BTG4: variants seen among roughly 807,000 people sequenced by gnomAD.
BTG4 encodes the protein protein BTG4.
A neutral mutation model predicts 19.3 loss-of-function variants in BTG4; 10 were observed. The observed-to-expected ratio is 0.52, with a 90% CI of 0.32 to 0.88. BTG4 has a LOEUF of 0.88. Among genes scored for constraint, BTG4 ranks in the 40% least tolerant of loss-of-function variants. The pLI, the probability that BTG4 is intolerant of heterozygous loss-of-function variation, is 0.04. For synonymous variants in BTG4, 91 were observed against 95.7 expected (o/e 0.95, Z 0.29); for missense variants, 238 against 281.9 (o/e 0.84, Z 1.11).
chr11:111,495,220 T>G lies in BTG4; in HGVS notation c.605A>C (p.Tyr202Ser), dbSNP rs1348278822. The G allele has an allele frequency of 1.2e-6, 2 of 1,612,822 alleles. No individual in the cohort carries two copies. Among genetic ancestry groups the G allele is most frequent in the Non-Finnish European group, 1.7e-6 (2 of 1,179,590 alleles). Residue 202 changes from tyrosine to serine, a missense_variant, in exon 5 of 5, where the codon TAC (tyrosine) becomes TCC (serine). Tyr to Ser is a moderately radical substitution (Grantham distance 144). Transcript: ENST00000692032. Reference sequence around the variant, plus strand: ...CTTAGGATGCTTCTGCGAGCCATGGTAAGTGTTTCCCAGGAGGCCAACACG... The same window carrying G: ...CTTAGGATGCTTCTGCGAGCCATGGGAAGTGTTTCCCAGGAGGCCAACACG... ...DGRVGLLGNT[Y>S]HGSQKHPKCY...
intron 1 of BTG4, among the ~76,000 whole-genome samples, chr11:111,509,328 T>A (rs1866686552): frequency 6.6e-6 from 1 of 152,216 alleles, no homozygotes; most frequent in African/African-American, 2.4e-5. Context: ...AGTTTAATAA[T>A]CTGACATTTA....
chr11:111,463,179 C>T (rs1440892950), downstream of BTG4: 6 of 152,750 alleles, frequency 3.9e-5, no homozygotes, highest in Non-Finnish European at 5.9e-5. Flanking sequence ...AGGTGCTGAT[C>T]CCTGGACTGG....
the BTG4 span, among the ~76,000 whole-genome samples, chr11:111,429,109 C>T: frequency 6.6e-6 from 1 of 152,174 alleles, no homozygotes; most frequent in African/African-American, 2.4e-5. Context: ...GAGTGACTTC[C>T]AGGATAGTTC....
intron 1 of BTG4, among the ~76,000 whole-genome samples, chr11:111,507,270 A>G (rs1444928027): frequency 6.6e-6 from 1 of 152,192 alleles, no homozygotes; most frequent in East Asian, 1.9e-4. Context: ...TAAGAAGGGG[A>G]AAGTTTATTA....
the BTG4 span, among the ~76,000 whole-genome samples, chr11:111,405,404 CAAAAAAAAAAAAAAA>C: frequency 3.8e-5 from 2 of 53,040 alleles, no homozygotes; most frequent in South Asian, 1.4e-3. Context: ...GACTCCGTCT[CAAAAAAAAAAAAAAA>C]AAAAAAAAAA....
chr11:111,417,701 T>C, the BTG4 span: 1 of 152,342 alleles, frequency 6.6e-6, no homozygotes, highest in African/African-American at 2.4e-5. Context: ...TGTTTGTTAT[T>C]TTTTGAACTT....
At chr11:111,478,743 A>G (rs1038452609) in intron 5 of BTG4, among the ~76,000 whole-genome samples, 9 of 152,282 alleles carry the variant, frequency 5.9e-5, no homozygotes, top group African/African-American at 1.9e-4. Flanking sequence ...GAATAGGCTC[A>G]ACAGTAAAAC....
At chr11:111,514,702 C>G (rs1011056715), upstream of BTG4, 22 of 1,105,768 alleles carry the variant, frequency 2.0e-5, no homozygotes, top group South Asian at 3.1e-4. Flanking sequence ...GGGCTGGTAC[C>G]AACTTGGCGG....
chr11:111,470,878 A>G (rs1006144026), intron 5 of BTG4, among the ~76,000 whole-genome samples: 1 of 152,102 alleles, frequency 6.6e-6, no homozygotes, highest in African/African-American at 2.4e-5. Context: ...GCAGTGAGCT[A>G]TGATCACACC....
At chr11:111,500,853 T>G (rs564585721) in intron 1 of BTG4, among the ~76,000 whole-genome samples, 1 of 152,282 alleles carries the variant, frequency 6.6e-6, no homozygotes, top group African/African-American at 2.4e-5. Context: ...TTGCAAGTAC[T>G]CTTTTTCATT....
chr11:111,384,986 GGGACAAATAAACATAAAAGTGGATCTGAA>G, the BTG4 span: 4 of 151,800 alleles, frequency 2.6e-5, no homozygotes, highest in Non-Finnish European at 5.9e-5. Flanking sequence ...GAAATCAATA[GGGACAAATAAACATAAAAGTGGATCTGAA>G]GGACAAATAA....
chr11:111,499,723 C>T (rs998208941), intron 1 of BTG4, among the ~76,000 whole-genome samples: 4 of 152,278 alleles, frequency 2.6e-5, no homozygotes, highest in South Asian at 4.1e-4. Flanking sequence ...GTTGACTACA[C>T]ATTTTTTACT....
chr11:111,501,069 G>A (rs529435709), intron 1 of BTG4, among the ~76,000 whole-genome samples: 2 of 138,286 alleles, frequency 1.4e-5, no homozygotes, highest in African/African-American at 5.4e-5. Flanking sequence ...CTAGATAACA[G>A]TAAAGCACTT....
At chr11:111,422,099 A>C in the BTG4 span, among the ~76,000 whole-genome samples, 1 of 152,206 alleles carries the variant, frequency 6.6e-6, no homozygotes, top group Non-Finnish European at 1.5e-5. Context: ...CTATCATTCC[A>C]ATAGGATTCT....
At chr11:111,418,706 A>G in the BTG4 span, among the ~76,000 whole-genome samples, 1 of 152,204 alleles carries the variant, frequency 6.6e-6, no homozygotes, top group Admixed American at 6.5e-5. Flanking sequence ...TCCCTGAAGC[A>G]GAAAGAACTA....
At chr11:111,459,764 A>C in the BTG4 span, 1 of 152,732 alleles carries the variant, frequency 6.5e-6, no homozygotes, top group Non-Finnish European at 1.5e-5. Context: ...CACCGCTGGC[A>C]GGCTCAATGG....
chr11:111,498,401 C>T (rs1865868640), intron 2 of BTG4, among the ~76,000 whole-genome samples: 1 of 152,230 alleles, frequency 6.6e-6, no homozygotes, highest in Non-Finnish European at 1.5e-5. Context: ...ATCTACCTCA[C>T]ATAAGGGGCT....
the BTG4 span, chr11:111,384,985 A>C: frequency 6.6e-6 from 1 of 152,156 alleles, no homozygotes; most frequent in African/African-American, 2.4e-5. Context: ...AGAAATCAAT[A>C]GGGACAAATA....
At chr11:111,401,932 G>A in the BTG4 span, among the ~76,000 whole-genome samples, 1 of 152,194 alleles carries the variant, frequency 6.6e-6, no homozygotes, top group Non-Finnish European at 1.5e-5. Flanking sequence ...TTCAACCCCT[G>A]CCTTCTTGGA....
Sources: allele counts gnomAD v4.1 joint callset (sites outside exome capture counted in the v4.1 genomes callset), GRCh38; gene constraint gnomAD v4.1.1; transcripts MANE v1.5; gene names NCBI Gene and HGNC (gene_info 2026-07-23, HGNC 2026-07-21).